The following CCNY variants were observed in gnomAD, a reference collection of about 807,000 sequenced individuals.
CCNY encodes cyclin Y, also known as cyclin-Y.
A neutral mutation model predicts 42.8 loss-of-function variants in CCNY; 19 were observed. The ratio of observed to expected loss-of-function variants is 0.44; its 90% confidence interval spans 0.31 to 0.65. CCNY has a LOEUF of 0.65. Ranked by LOEUF, CCNY falls within the 30% of genes least tolerant of loss-of-function variation. The pLI is 0.07. For missense variants in CCNY, 370 were observed against 437.3 expected, an observed-to-expected ratio of 0.85 and a Z score of 1.37; for synonymous variants, 165 against 162.7, an observed-to-expected ratio of 1.01 and a Z score of -0.11.
chr10:35,338,981 T>C (rs921526595), intron 1 of CCNY, among the ~76,000 whole-genome samples: 2 of 152,226 alleles, frequency 1.3e-5, no homozygotes, highest in Non-Finnish European at 2.9e-5. Flanking sequence ...CAAAGAAATC[T>C]TAAGTTTCAG....
intron 1 of CCNY, among the ~76,000 whole-genome samples, chr10:35,442,497 A>T (rs927210026): frequency 6.6e-6 from 1 of 152,206 alleles, no homozygotes; most frequent in Non-Finnish European, 1.5e-5. Flanking sequence ...TTGGGAGTTT[A>T]GGGTGGTCTA....
rs376689878 is a variant in CCNY at position 35,306,637 on chromosome 10, C to T, written c.-9+56011C>T. Among the ~76,000 whole-genome samples the T allele has an allele frequency of 7.6e-4, 116 of 152,260 alleles. 1 individual carries two copies. In the South Asian group the frequency reaches 0.012, roughly 16 times the overall value. On this transcript the variant is annotated intron_variant, in intron 3 of 11. Coordinates refer to the CCNY transcript ENST00000374706. ...AAGAGCTGGTCTTTCTGGTACTCCC[C>T]GGTCTGTTCACTGTCCTCACCCCTT...
In CCNY at chr10:35,406,233, A is replaced by ATTTATTTATTTT. The variant is rs1166269567; in HGVS notation, c.154+69033_154+69044dup. 2.9e-3 allele frequency among the ~76,000 whole-genome samples: 293 copies of ATTTATTTATTTT among 99,360 alleles called. 10 individuals carry two copies. Among genetic ancestry groups the ATTTATTTATTTT allele is most frequent in the Admixed American group, 0.026 (261 of 9,876 alleles). The allele number at this position is 99,360 out of a possible 152,430, so 65.2% of individuals were successfully genotyped here. A position where few individuals can be genotyped will look rare whatever the true frequency, so the allele number is the denominator to read the frequency against. On this transcript the variant is annotated intron_variant, in intron 1 of 9. Coordinates refer to ENST00000374704, the MANE Select transcript of CCNY (RefSeq NM_145012.6). ...TATTTATTTATTTATTTATTTATTT[A>ATTTATTTATTTT]TTTATTTATTTTTTTATTGATCATT...
Position 35,553,080 on chromosome 10 carries a change from G to A in CCNY, c.641G>A (p.Arg214Gln), listed in dbSNP as rs1564456268. The change falls in exon 8 of 10, where the codon CGG (arginine) becomes CAG (glutamine). Residue 214 changes from arginine (R) to glutamine (Q), a missense_variant. Arg to Gln is a conservative substitution (Grantham distance 43). Transcript: ENST00000374704. ...EIDICPANWK[R>Q]IVLGAILLAS... is the part of the protein sequence containing the mutation. ...GATATCTGTCCGGCCAACTGGAAGC[G>A]GATTGTTTTAGGGGCGATCCTGCTG... 4 of 1,614,182 alleles carry A rather than the reference G, an allele frequency of 2.5e-6. No homozygotes were observed. The highest frequency in any genetic ancestry group is 3.4e-6 in the Non-Finnish European group (4 of 1,180,044).
At chr10:35,468,038 C>A (rs1208242768) in intron 1 of CCNY, among the ~76,000 whole-genome samples, 1 of 152,132 alleles carries the variant, frequency 6.6e-6, no homozygotes, top group South Asian at 2.1e-4. Context: ...GCTGCTATAA[C>A]AAAATATTAT....
At chr10:35,354,246 C>T (rs1222139445) in intron 1 of CCNY, among the ~76,000 whole-genome samples, 3 of 142,692 alleles carry the variant, frequency 2.1e-5, no homozygotes, top group East Asian at 4.1e-4. Flanking sequence ...AGTGTATTGG[C>T]GGGATCTCAG....
At chr10:35,439,551 G>T (rs551060159) in intron 1 of CCNY, among the ~76,000 whole-genome samples, 36 of 139,502 alleles carry the variant, frequency 2.6e-4, no homozygotes, top group African/African-American at 9.5e-4. Flanking sequence ...TTTGTTTCAA[G>T]TGTGTGTGTG....
intron 7 of CCNY, among the ~76,000 whole-genome samples, chr10:35,537,919 C>T (rs533603471): frequency 9.2e-5 from 14 of 152,186 alleles, no homozygotes; most frequent in Non-Finnish European, 1.5e-4. Context: ...TGGAATGATA[C>T]GGTTTGGCTG....
intron 9 of CCNY, among the ~76,000 whole-genome samples, chr10:35,567,310 C>T (rs1316402922): frequency 2.0e-5 from 3 of 152,230 alleles, no homozygotes; most frequent in Non-Finnish European, 4.4e-5. Context: ...CTTTGGGTCT[C>T]ATCACAGCAT....
At position 35,553,161 on chromosome 10, in the gene CCNY, T is replaced by C; in HGVS notation, c.722T>C (p.Leu241Pro). 1 of 1,614,164 alleles carries C rather than the reference T, an allele frequency of 6.2e-7. No homozygotes were observed. Among genetic ancestry groups the C allele is most frequent in the Non-Finnish European group, 8.5e-7 (1 of 1,179,998 alleles). Reference sequence around the variant, plus strand: ...TGGAATGTGGATTACTGCCAGATCCTGAAAGACATCACGGTGGAGGACATG... The same window carrying C: ...TGGAATGTGGATTACTGCCAGATCCCGAAAGACATCACGGTGGAGGACATG... Reference protein sequence around the residue: ...AVWNVDYCQILKDITVEDMNE... With the variant: ...AVWNVDYCQIPKDITVEDMNE... The change falls in exon 8 of 10, where the codon CTG (leucine) becomes CCG (proline). Residue 241 changes from leucine (L) to proline (P), a missense_variant. Leu to Pro is a moderately conservative substitution (Grantham distance 98, BLOSUM62 -3). Transcript: ENST00000374704.
At chr10:35,497,115 A>C (rs1231618239) in intron 2 of CCNY, among the ~76,000 whole-genome samples, 3 of 152,212 alleles carry the variant, frequency 2.0e-5, no homozygotes, top group Non-Finnish European at 4.4e-5. Flanking sequence ...GGAAAGAAAA[A>C]ATTTATGATC....
rs1395082231 is a variant in CCNY, at chr10:35,530,421, A to G, written c.579+178A>G. Among the ~76,000 whole-genome samples the G allele has an allele frequency of 1.3e-5, 2 of 152,232 alleles. No individual in the cohort carries two copies. The highest frequency in any genetic ancestry group is 2.9e-5 in the Non-Finnish European group (2 of 68,046). On this transcript the variant is annotated intron_variant, in intron 7 of 9. Coordinates refer to ENST00000374704, the MANE Select transcript of CCNY (RefSeq NM_145012.6). The surrounding 1 kb of genome is among the most constrained non-coding windows in gnomAD (Gnocchi z 4.3). ...GAGAATAGAGGATAGATATCCCGGAAGAGATTGTGAAGATTGTTCTGTAGC... is the reference window on the plus strand; with the variant it reads ...GAGAATAGAGGATAGATATCCCGGAGGAGATTGTGAAGATTGTTCTGTAGC...
intron 3 of CCNY, among the ~76,000 whole-genome samples, chr10:35,301,791 T>C (rs760637393): frequency 4.0e-5 from 6 of 151,844 alleles, no homozygotes; most frequent in Admixed American, 2.6e-4. Context: ...CATGCCACCA[T>C]GCCTAGCTAA....
At chr10:35,451,919 G>A (rs1021361571) in intron 1 of CCNY, among the ~76,000 whole-genome samples, 6 of 152,196 alleles carry the variant, frequency 3.9e-5, no homozygotes, top group Admixed American at 2.0e-4. Flanking sequence ...TTTGGGCCTG[G>A]CAGTGTCCTC....
chr10:35,539,890 A>C (rs976312352), intron 7 of CCNY, among the ~76,000 whole-genome samples: 1 of 152,232 alleles, frequency 6.6e-6, no homozygotes, highest in African/African-American at 2.4e-5. Flanking sequence ...TTATTGCTAG[A>C]CTATAGAAAT....
rs1274821447 is a variant in CCNY at position 35,491,503 on chromosome 10, G to A, written c.229+8025G>A. ...ATGTGTTCCAGAGATGTTTTCTGCC[G>A]CCTGGTAGACAGCCAGTCTGGAAAT... On this transcript the variant is annotated intron_variant, in intron 2 of 9. Transcript: ENST00000374704. Among the ~76,000 whole-genome samples, 3 of 152,196 alleles carry A rather than the reference G, an allele frequency of 2.0e-5. No individual in the cohort carries two copies. The South Asian group carries it at 6.2e-4, about 32-fold the overall frequency.
intron 1 of CCNY, among the ~76,000 whole-genome samples, chr10:35,378,377 G>A (rs1438963194): frequency 1.3e-5 from 2 of 152,120 alleles, no homozygotes; most frequent in South Asian, 4.1e-4. Flanking sequence ...TGTCTTTTTG[G>A]TTGGCTTCAG....
At chr10:35,474,732 C>T (rs1391831837) in intron 1 of CCNY, among the ~76,000 whole-genome samples, 1 of 152,136 alleles carries the variant, frequency 6.6e-6, no homozygotes, top group Non-Finnish European at 1.5e-5. Flanking sequence ...CTCTAAAAAT[C>T]AGAGCGCCTC....
At position 35,487,304 on chromosome 10, in the gene CCNY, T is replaced by C. The variant is rs374335615; in HGVS notation, c.229+3826T>C. Among the ~76,000 whole-genome samples, 411 of 152,296 alleles carry C rather than the reference T, an allele frequency of 2.7e-3. 5 individuals carry two copies. The South Asian group carries it at 0.028, about 10-fold the overall frequency. The stretch of plus-strand genomic sequence containing the variant: ...TTTCTCCTCTTTCCTTCATTCAGGT[T>C]AATATACTTTGACAGTAGTTTAGAT... On this transcript the variant is annotated intron_variant, in intron 2 of 9. Transcript: ENST00000374704.
Sources: allele counts gnomAD v4.1 joint callset (sites outside exome capture counted in the v4.1 genomes callset), GRCh38; gene constraint gnomAD v4.1.1; non-coding constraint Gnocchi (gnomAD v3.1); transcripts MANE v1.5; gene names NCBI Gene and HGNC (gene_info 2026-07-23, HGNC 2026-07-21).